Variants in HMGA2 observed in about 807,000 individuals in gnomAD.
HMGA2 encodes the protein high mobility group protein HMGI-C.
A neutral mutation model predicts 19.1 loss-of-function variants in HMGA2; 8 were observed. The ratio of observed to expected loss-of-function variants is 0.42; its 90% CI spans 0.25 to 0.76. HMGA2 has a LOEUF of 0.76. Ranked by LOEUF, HMGA2 falls within the 30% of genes least tolerant of loss-of-function variation. The probability of loss-of-function intolerance (pLI) is 0.28; values close to 1 mark genes in which losing one functional copy is unlikely to be tolerated. For synonymous variants in HMGA2, 60 were observed against 48.8 expected, an observed-to-expected ratio of 1.23 and a Z score of -0.96; for missense variants, 109 against 136.3, an observed-to-expected ratio of 0.80 and a Z score of 1.00.
At chr12:65,887,915 T>C (rs984623809) in intron 3 of HMGA2, among the ~76,000 whole-genome samples, 4 of 151,842 alleles carry the variant, frequency 2.6e-5, no homozygotes, top group Admixed American at 2.0e-4. Flanking sequence ...CATTTGAGTT[T>C]GTTAATCTAA....
At chr12:65,944,436 T>C (rs1028293544) in intron 3 of HMGA2, among the ~76,000 whole-genome samples, 1 of 152,152 alleles carries the variant, frequency 6.6e-6, no homozygotes, top group Non-Finnish European at 1.5e-5. Flanking sequence ...AACCACAGCA[T>C]AAGCAAGAAA....
chr12:65,943,920 C>A (rs867354855), intron 3 of HMGA2, among the ~76,000 whole-genome samples: 12 of 152,264 alleles, frequency 7.9e-5, no homozygotes, highest in Middle Eastern at 3.4e-3. Context: ...ATGGTTTCTC[C>A]TCTTTACCAA....
chr12:65,842,198 T>C, intron 3 of HMGA2: 2 of 894,870 alleles, frequency 2.2e-6, no homozygotes, highest in Non-Finnish European at 3.2e-6. Context: ...CTTAGCTAAC[T>C]GGAGTCTTAA....
At chr12:65,905,826 CAG>C (rs775362426) in intron 3 of HMGA2, among the ~76,000 whole-genome samples, 15 of 152,122 alleles carry the variant, frequency 9.9e-5, no homozygotes, top group Middle Eastern at 3.2e-3. Flanking sequence ...CAGAAGAAAT[CAG>C]AGTTAATATT....
At chr12:65,927,516 G>A (rs1310076225) in intron 3 of HMGA2, among the ~76,000 whole-genome samples, 1 of 152,194 alleles carries the variant, frequency 6.6e-6, no homozygotes, top group African/African-American at 2.4e-5. Flanking sequence ...CAGTTTTGAG[G>A]AAGACAGGGA....
intron 3 of HMGA2, chr12:65,915,511 C>T: frequency 8.4e-7 from 1 of 1,185,198 alleles, no homozygotes. Flanking sequence ...TTTCATAAAA[C>T]AGATGCTTAA....
chr12:65,900,405 C>A (rs1874323015), intron 3 of HMGA2, among the ~76,000 whole-genome samples: 1 of 152,112 alleles, frequency 6.6e-6, no homozygotes, highest in Non-Finnish European at 1.5e-5. Context: ...TGTTTTCAAG[C>A]AAGGTAGAAT....
At chr12:65,881,221 C>T (rs908204597) in intron 3 of HMGA2, 5 of 157,160 alleles carry the variant, frequency 3.2e-5, no homozygotes, top group African/African-American at 1.2e-4. Flanking sequence ...AAGAACTCCT[C>T]GCATCTGTGC....
intron 3 of HMGA2, among the ~76,000 whole-genome samples, chr12:65,927,811 GTCTC>G (rs900206293): frequency 6.9e-6 from 1 of 145,066 alleles, no homozygotes; most frequent in Non-Finnish European, 1.5e-5. Flanking sequence ...CTTTCTCTCT[GTCTC>G]TCTCTCTCTT....
At chr12:65,961,853 A>G (rs1254810632) in intron 4 of HMGA2, among the ~76,000 whole-genome samples, 13 of 152,086 alleles carry the variant, frequency 8.5e-5, no homozygotes, top group Non-Finnish European at 1.2e-4. Context: ...AGCATCACAC[A>G]TGGTAGCATT....
At chr12:65,891,131 T>C (rs1565723308) in intron 3 of HMGA2, among the ~76,000 whole-genome samples, 3 of 152,214 alleles carry the variant, frequency 2.0e-5, no homozygotes, top group South Asian at 2.1e-4. Flanking sequence ...ATGTAAAGTA[T>C]AGAAACTCAG....
At chr12:65,834,660 A>T (rs1005903631) in intron 2 of HMGA2, among the ~76,000 whole-genome samples, 2 of 150,576 alleles carry the variant, frequency 1.3e-5, no homozygotes, top group Non-Finnish European at 3.0e-5. Context: ...TCCTTCAACA[A>T]GTATATAGTG....
At chr12:65,946,618 T>C (rs1876274206) in intron 3 of HMGA2, among the ~76,000 whole-genome samples, 5 of 152,202 alleles carry the variant, frequency 3.3e-5, no homozygotes, top group Admixed American at 2.0e-4. Flanking sequence ...TTTCTTTCAA[T>C]ACCTACCAGA....
chr12:65,946,423 G>T (rs1418181847), intron 3 of HMGA2, among the ~76,000 whole-genome samples: 1 of 152,080 alleles, frequency 6.6e-6, no homozygotes, highest in African/African-American at 2.4e-5. Flanking sequence ...CATGTGAAGG[G>T]CTTCTTTCTT....
chr12:65,910,135 C>T (rs562946732), intron 3 of HMGA2, among the ~76,000 whole-genome samples: 64 of 152,274 alleles, frequency 4.2e-4, no homozygotes, highest in Admixed American at 9.1e-4. Flanking sequence ...AGGCTCCTGT[C>T]CACCTCCCCT....
At chr12:65,859,113 A>G (rs1410179818) in intron 3 of HMGA2, 1 of 152,228 alleles carries the variant, frequency 6.6e-6, no homozygotes, top group Non-Finnish European at 1.5e-5. Context: ...ACAGTTCTGC[A>G]CTGGAAGAAA....
At chr12:65,880,003 C>CCTT (rs1265382285) in intron 3 of HMGA2, among the ~76,000 whole-genome samples, 3 of 152,094 alleles carry the variant, frequency 2.0e-5, no homozygotes, top group African/African-American at 7.2e-5. Context: ...GCTGTGCTGT[C>CCTT]AAAGAAAACA....
intron 3 of HMGA2, chr12:65,859,914 T>A (rs1163339306): frequency 7.7e-6 from 2 of 259,030 alleles, no homozygotes; most frequent in African/African-American, 4.6e-5. Flanking sequence ...TAATGCCCCA[T>A]CTCTAAAAAA....
At chr12:65,917,943 T>C (rs1475573233) in intron 3 of HMGA2, among the ~76,000 whole-genome samples, 5 of 152,242 alleles carry the variant, frequency 3.3e-5, no homozygotes, top group Non-Finnish European at 5.9e-5. Flanking sequence ...TTCAGTAATT[T>C]ATAAAAGTGA....
Sources: gnomAD v4.1 joint callset for allele counts (sites outside exome capture counted in the v4.1 genomes callset) on GRCh38, gnomAD v4.1.1 for gene constraint, MANE v1.5 for transcripts, NCBI Gene and HGNC (gene_info 2026-07-23, HGNC 2026-07-21) for gene names.